Variants in CCR2 observed in about 807,000 individuals in gnomAD.
The protein encoded by CCR2 is C-C motif chemokine receptor 2, also known as C-C chemokine receptor type 2.
For synonymous variants in CCR2, 183 were observed against 177.1 expected, an observed-to-expected ratio of 1.03 and a Z score of -0.27; for missense variants, 408 against 440.0, an observed-to-expected ratio of 0.93 and a Z score of 0.65.
In CCR2 at chr3:46,358,761, A is replaced by G. The variant is rs1575273912; in HGVS notation, c.*151A>G. 29 of 1,434,628 alleles carry G rather than the reference A, an allele frequency of 2.0e-5. No homozygotes were observed. The highest frequency in any genetic ancestry group is 2.6e-5 in the Non-Finnish European group (28 of 1,091,518). The allele number at this position is 1,434,628 out of a possible 1,614,324, so 88.9% of individuals were successfully genotyped here. On this transcript the variant is annotated 3_prime_UTR_variant, in exon 2 of 2. Transcript: ENST00000445132. ...GTACTAATACAGACTATGTCACCCA[A>G]TGCATATCCAACATGTGCTCAGGGA...
In CCR2 at chr3:46,360,165, TCA is replaced by T. The variant is rs1701527343; in HGVS notation, c.*1558_*1559del. On this transcript the variant is annotated 3_prime_UTR_variant, in exon 2 of 2. Coordinates refer to ENST00000445132, the MANE Select transcript of CCR2 (RefSeq NM_001123396.4). ...GTCAAACGTGAAAATGCTGTATTAG[TCA>T]CAGAGATAATTCTAGCTTTGAGCTT... 3.2e-6 allele frequency: 1 copy of T among 309,166 alleles called. No homozygotes were observed. 19.2% of individuals were successfully genotyped at this position (309,166 alleles called of 1,614,324 possible). A position where few individuals can be genotyped will look rare whatever the true frequency, so the allele number is the denominator to read the frequency against.
At position 46,359,815 on chromosome 3, in the gene CCR2, T is replaced by C; in HGVS notation, c.*1205T>C. Reference sequence around the variant, plus strand: ...ATGGTCGTGGAAAAGGAAAGTCAATTGGCAGAGCCCCTGAAGCCAGTCTTC... The same window carrying C: ...ATGGTCGTGGAAAAGGAAAGTCAATCGGCAGAGCCCCTGAAGCCAGTCTTC... On this transcript the variant is annotated 3_prime_UTR_variant, in exon 2 of 2. Coordinates refer to ENST00000445132, the MANE Select transcript of CCR2 (RefSeq NM_001123396.4). 6.2e-7 allele frequency: 1 copy of C among 1,614,076 alleles called. No homozygotes were observed. Among genetic ancestry groups the C allele is most frequent in the Non-Finnish European group, 8.5e-7 (1 of 1,179,976 alleles).
rs757756160 is a variant in CCR2 at position 46,358,124 on chromosome 3, T to C, written c.597T>C (p.Asn199=). The C allele has an allele frequency of 1.9e-6, 3 of 1,614,174 alleles. No homozygotes were observed. Among genetic ancestry groups the C allele is most frequent in the Admixed American group, 3.3e-5 (2 of 60,016 alleles). Reference sequence around the variant, plus strand: ...GCCCTTATTTTCCACGAGGATGGAATAATTTCCACACAATAATGAGGAACA... The same window carrying C: ...GCCCTTATTTTCCACGAGGATGGAACAATTTCCACACAATAATGAGGAACA... ...VCGPYFPRGW[N]NFHTIMRNIL... is the part of the protein sequence containing the mutation. Residue 199 remains asparagine (N), a synonymous_variant, in exon 2 of 2, where the codon AAT becomes AAC. Coordinates refer to ENST00000445132, the MANE Select transcript of CCR2 (RefSeq NM_001123396.4).
chr3:46,360,100 C>A lies in CCR2; in HGVS notation c.*1490C>A, dbSNP rs559285648. The A allele has an allele frequency of 2.2e-6, 1 of 463,092 alleles. No homozygotes were observed. Among genetic ancestry groups the A allele is most frequent in the South Asian group, 2.8e-5 (1 of 35,448 alleles). 28.7% of individuals were successfully genotyped at this position (463,092 alleles called of 1,614,324 possible). A position where few individuals can be genotyped will look rare whatever the true frequency, so the allele number is the denominator to read the frequency against. On this transcript the variant is annotated 3_prime_UTR_variant, in exon 2 of 2. Coordinates refer to ENST00000445132, the MANE Select transcript of CCR2 (RefSeq NM_001123396.4). ...ATAAAATTAAAGCTGAAAACTGCAACTTGTAAATGTGGTAAAGAGTTAGTT... is the reference window on the plus strand; with the variant it reads ...ATAAAATTAAAGCTGAAAACTGCAAATTGTAAATGTGGTAAAGAGTTAGTT...
In CCR2 at chr3:46,359,046, G is replaced by C; in HGVS notation, c.*436G>C. Reference sequence around the variant, plus strand: ...GAAGGAGGGAGACATGAGCATGGCTGAGCCTGGACAAAGACAAAGGTGAGC... The same window carrying C: ...GAAGGAGGGAGACATGAGCATGGCTCAGCCTGGACAAAGACAAAGGTGAGC... On this transcript the variant is annotated 3_prime_UTR_variant, in exon 2 of 2. Transcript: ENST00000445132. 9.8e-7 allele frequency: 1 copy of C among 1,018,612 alleles called. No individual in the cohort carries two copies. The highest frequency in any genetic ancestry group is 1.7e-5 in the African/African-American group (1 of 57,532). The allele number at this position is 1,018,612 out of a possible 1,614,324, so 63.1% of individuals were successfully genotyped here. A position where few individuals can be genotyped will look rare whatever the true frequency, so the allele number is the denominator to read the frequency against.
Position 46,359,659 on chromosome 3 carries a change from C to A in CCR2, c.*1049C>A. On this transcript the variant is annotated 3_prime_UTR_variant, in exon 2 of 2. Coordinates refer to ENST00000445132, the MANE Select transcript of CCR2 (RefSeq NM_001123396.4). ...TCCCTGCCTTGCCACTCCCCTCACT[C>A]TTCTCTTTTCCCCACAGCCTTTTTC... 2 of 1,602,922 alleles carry A rather than the reference C, an allele frequency of 1.2e-6. No individual in the cohort carries two copies. The highest frequency in any genetic ancestry group is 1.1e-5 in the South Asian group (1 of 89,132).
In CCR2 at chr3:46,354,126, A is replaced by C. The variant is rs1308660599; in HGVS notation, c.-103A>C. 6.6e-6 allele frequency: 1 copy of C among 152,044 alleles called. No individual in the cohort carries two copies. The highest frequency in any genetic ancestry group is 1.9e-4 in the East Asian group (1 of 5,188). The allele number at this position is 152,044 out of a possible 1,614,324, so 9.4% of individuals were successfully genotyped here. On this transcript the variant is annotated 5_prime_UTR_variant, in exon 1 of 2. Coordinates refer to ENST00000445132, the MANE Select transcript of CCR2 (RefSeq NM_001123396.4). ...TTCTACCTCTAGATCTGTTTGGTTC[A>C]GTTGCTGAGAAGCCTGACATACCAG...
Position 46,357,601 on chromosome 3 carries a change from A to G in CCR2, c.74A>G (p.Asp25Gly). 1.9e-6 allele frequency: 3 copies of G among 1,614,018 alleles called. No individual in the cohort carries two copies. Among genetic ancestry groups the G allele is most frequent in the Non-Finnish European group, 2.5e-6 (3 of 1,179,978 alleles). Reference sequence around the variant, plus strand: ...GGTGAAGAAGTCACCACCTTTTTTGATTATGATTACGGTGCTCCCTGTCAT... The same window carrying G: ...GGTGAAGAAGTCACCACCTTTTTTGGTTATGATTACGGTGCTCCCTGTCAT... ...ESGEEVTTFFDYDYGAPCHKF... is the reference protein window; with the variant it reads ...ESGEEVTTFFGYDYGAPCHKF... Residue 25 changes from aspartate (D) to glycine (G), a missense_variant, in exon 2 of 2, where the codon GAT (aspartate) becomes GGT (glycine). Asp to Gly is a moderately conservative substitution (Grantham distance 94). Coordinates refer to ENST00000445132, the MANE Select transcript of CCR2 (RefSeq NM_001123396.4).
Position 46,357,921 on chromosome 3 carries a change from A to G in CCR2, c.394A>G (p.Ile132Val). Reference protein sequence around the residue: ...IGYFGGIFFIILLTIDRYLAI... With the variant: ...IGYFGGIFFIVLLTIDRYLAI... ...TTATTTTGGCGGAATCTTCTTCATC[A>G]TCCTCCTGACAATCGATAGATACCT... The change falls in exon 2 of 2, where the codon ATC becomes GTC. Residue 132 changes from isoleucine to valine, a missense_variant. Physicochemically the swap from Ile to Val is conservative, Grantham distance 29. Transcript: ENST00000445132. 6.2e-7 allele frequency: 1 copy of G among 1,614,138 alleles called. No individual in the cohort carries two copies. The highest frequency in any genetic ancestry group is 8.5e-7 in the Non-Finnish European group (1 of 1,180,016).
Position 46,358,337 on chromosome 3 carries a change from A to G in CCR2, c.810A>G (p.Glu270=). 7 of 1,614,200 alleles carry G rather than the reference A, an allele frequency of 4.3e-6. No individual in the cohort carries two copies. Among genetic ancestry groups the G allele is most frequent in the Non-Finnish European group, 5.1e-6 (6 of 1,180,030 alleles). ...NIVILLNTFQ[E]FFGLSNCEST... ...TCATTCTCCTGAACACCTTCCAGGA[A>G]TTCTTCGGCCTGAGTAACTGTGAAA... is the stretch of plus-strand genomic sequence containing the variant. Residue 270 remains glutamate (E), a synonymous_variant, in exon 2 of 2, where the codon GAA becomes GAG. Coordinates refer to ENST00000445132, the MANE Select transcript of CCR2 (RefSeq NM_001123396.4).
chr3:46,354,832 T>G (rs1377153412), intron 1 of CCR2: 3 of 152,240 alleles, frequency 2.0e-5, no homozygotes, highest in African/African-American at 7.2e-5. Context: ...GATGCATTTT[T>G]TTCCAACTTT....
chr3:46,359,785 C>A lies in CCR2; in HGVS notation c.*1175C>A. 6.2e-7 allele frequency: 1 copy of A among 1,614,146 alleles called. No individual in the cohort carries two copies. Among genetic ancestry groups the A allele is most frequent in the Non-Finnish European group, 8.5e-7 (1 of 1,180,004 alleles). The stretch of plus-strand genomic sequence containing the variant: ...ATGTGAAAGTGACTACACAAGGACT[C>A]CTCGATGGTCGTGGAAAAGGAAAGT... On this transcript the variant is annotated 3_prime_UTR_variant, in exon 2 of 2. Coordinates refer to ENST00000445132, the MANE Select transcript of CCR2 (RefSeq NM_001123396.4).
intron 1 of CCR2, among the ~76,000 whole-genome samples, chr3:46,356,805 C>G (rs2106716693): frequency 6.6e-6 from 1 of 151,970 alleles, no homozygotes; most frequent in East Asian, 1.9e-4. Flanking sequence ...ATAGTCCCAT[C>G]TACTCAGGAG....
chr3:46,356,882 G>C (rs1273540592), intron 1 of CCR2, among the ~76,000 whole-genome samples: 1 of 149,322 alleles, frequency 6.7e-6, no homozygotes, highest in Non-Finnish European at 1.5e-5. Context: ...CATGGCCACT[G>C]CACTATAGCC....
Position 46,358,664 on chromosome 3 carries a change from A to C in CCR2, c.*54A>C. ...AAAGGGAGATAACAATCTGTATATA[A>C]CAACAAACTTCAAGGGTTTGTTGAA... On this transcript the variant is annotated 3_prime_UTR_variant, in exon 2 of 2. Transcript: ENST00000445132. The C allele has an allele frequency of 6.6e-7, 1 of 1,511,290 alleles. No homozygotes were observed. Among genetic ancestry groups the C allele is most frequent in the Non-Finnish European group, 8.9e-7 (1 of 1,127,420 alleles). 93.6% of individuals were successfully genotyped at this position (1,511,290 alleles called of 1,614,324 possible).
At chr3:46,354,594 T>C (rs1296137654) in intron 1 of CCR2, among the ~76,000 whole-genome samples, 1 of 152,176 alleles carries the variant, frequency 6.6e-6, no homozygotes, top group Non-Finnish European at 1.5e-5. Flanking sequence ...AGTAAGGAAT[T>C]TATTTTCTGA....
rs576719179 is a variant in CCR2 at position 46,359,408 on chromosome 3, T to C, written c.*798T>C. 38 of 1,084,204 alleles carry C rather than the reference T, an allele frequency of 3.5e-5. No individual in the cohort carries two copies. The African/African-American group carries it at 5.9e-4, about 17-fold the overall frequency. The allele number at this position is 1,084,204 out of a possible 1,614,324, so 67.2% of individuals were successfully genotyped here. A position where few individuals can be genotyped will look rare whatever the true frequency, so the allele number is the denominator to read the frequency against. On this transcript the variant is annotated 3_prime_UTR_variant, in exon 2 of 2. Coordinates refer to ENST00000445132, the MANE Select transcript of CCR2 (RefSeq NM_001123396.4). Reference sequence around the variant, plus strand: ...TATCTATGATATGCTAATATATGTATATGCAATATATATAGGCTCTTGCTT... The same window carrying C: ...TATCTATGATATGCTAATATATGTACATGCAATATATATAGGCTCTTGCTT...
Position 46,358,275 on chromosome 3 carries a change from A to G in CCR2, c.748A>G (p.Ile250Val). The part of the protein sequence containing the change: ...RAVRVIFTIM[I>V]VYFLFWTPYN... ...AGTGAGAGTCATCTTCACCATCATG[A>G]TTGTTTACTTTCTCTTCTGGACTCC... is the stretch of plus-strand genomic sequence containing the variant. The change falls in exon 2 of 2, where the codon ATT becomes GTT. Residue 250 changes from isoleucine to valine, a missense_variant. By Grantham distance (29) the Ile-to-Val change is conservative (BLOSUM62 3). Coordinates refer to ENST00000445132, the MANE Select transcript of CCR2 (RefSeq NM_001123396.4). 1 of 1,614,136 alleles carries G rather than the reference A, an allele frequency of 6.2e-7. No individual in the cohort carries two copies. The highest frequency in any genetic ancestry group is 1.1e-5 in the South Asian group (1 of 91,078).
At chr3:46,356,076 C>T (rs1477308451) in intron 1 of CCR2, among the ~76,000 whole-genome samples, 1 of 152,214 alleles carries the variant, frequency 6.6e-6, no homozygotes, top group Admixed American at 6.5e-5. Flanking sequence ...ACTTTGCTCA[C>T]TTCAGTGCCT....
Sources: allele counts gnomAD v4.1 joint callset (sites outside exome capture counted in the v4.1 genomes callset), GRCh38; gene constraint gnomAD v4.1.1; transcripts MANE v1.5; gene names NCBI Gene and HGNC (gene_info 2026-07-23, HGNC 2026-07-21).